The following ORC5 variants were observed in gnomAD, a reference collection of about 807,000 sequenced individuals.
The protein encoded by ORC5 is protein phosphatase 1, regulatory subunit 117.
Under a neutral mutation model 58.8 loss-of-function variants are expected in ORC5, and 39 were observed. The observed-to-expected ratio is 0.66, with a 90% CI of 0.51 to 0.87. ORC5 has a LOEUF of 0.87. Ranked by LOEUF, ORC5 falls within the 40% of genes least tolerant of loss-of-function variation. The pLI is 0.00. For synonymous variants in ORC5, 218 were observed against 177.6 expected (o/e 1.23, Z -1.81); for missense variants, 493 against 506.3 (o/e 0.97, Z 0.25).
chr7:104,161,183 C>T lies in ORC5; in HGVS notation c.1039-1G>A. ...TTGGCCCAAGGAGATGATTGCTTGTCTGTAAAAAACAAAACAAAAACATGG... is the reference window on the plus strand; with the variant it reads ...TTGGCCCAAGGAGATGATTGCTTGTTTGTAAAAAACAAAACAAAAACATGG... On this transcript the variant is annotated splice_acceptor_variant, in intron 11 of 13. Transcript: ENST00000297431. LOFTEE classifies it high-confidence loss of function. 5 of 1,532,062 alleles carry T rather than the reference C, an allele frequency of 3.3e-6. No individual in the cohort carries two copies. The highest frequency in any genetic ancestry group is 4.5e-6 in the Non-Finnish European group (5 of 1,107,870). The allele number at this position is 1,532,062 out of a possible 1,614,324, so 94.9% of individuals were successfully genotyped here.
chr7:104,172,310 G>A (rs1323513980), intron 8 of ORC5, among the ~76,000 whole-genome samples: 2 of 152,132 alleles, frequency 1.3e-5, no homozygotes, highest in East Asian at 3.8e-4. Context: ...AAGCAAACAA[G>A]TTTTCCTACA....
In ORC5 at chr7:104,136,923, T is replaced by C. The variant is rs777922724; in HGVS notation, c.1150-30A>G. 1.4e-6 allele frequency: 2 copies of C among 1,421,982 alleles called. No homozygotes were observed. The highest frequency in any genetic ancestry group is 2.0e-6 in the Non-Finnish European group (2 of 1,005,508). The allele number at this position is 1,421,982 out of a possible 1,614,324, so 88.1% of individuals were successfully genotyped here. ...AAGAGAACATTTTTATAAGAAACTGTTTTAATAAGATTATGTAATACTTTT... is the reference window on the plus strand; with the variant it reads ...AAGAGAACATTTTTATAAGAAACTGCTTTAATAAGATTATGTAATACTTTT... On this transcript the variant is annotated intron_variant, in intron 12 of 13. Transcript: ENST00000297431. The surrounding 1 kb of genome is among the most constrained non-coding windows in gnomAD (Gnocchi z 4.2).
At chr7:104,141,638 T>C (rs543371901) in intron 12 of ORC5, among the ~76,000 whole-genome samples, 3 of 152,258 alleles carry the variant, frequency 2.0e-5, no homozygotes, top group African/African-American at 4.8e-5. Flanking sequence ...TTCAGTAAAG[T>C]TGCAGAATAC....
At chr7:104,177,571 T>C (rs545857606) in intron 8 of ORC5, among the ~76,000 whole-genome samples, 1 of 152,200 alleles carries the variant, frequency 6.6e-6, no homozygotes, top group Non-Finnish European at 1.5e-5. Flanking sequence ...ATTGTTTTTT[T>C]AAATTTTACT....
At chr7:104,157,929 T>C (rs77518759) in intron 12 of ORC5, among the ~76,000 whole-genome samples, 2,902 of 152,202 alleles carry the variant, frequency 0.019, 83 homozygotes, top group African/African-American at 0.066. Flanking sequence ...CAAACCTTTC[T>C]TCAGATCATA....
chr7:104,167,161 C>T (rs1469428937), intron 9 of ORC5, among the ~76,000 whole-genome samples: 1 of 152,078 alleles, frequency 6.6e-6, no homozygotes, highest in Non-Finnish European at 1.5e-5. Flanking sequence ...TCCATTAAAC[C>T]CCTGGTGTTC....
chr7:104,193,946 T>G (rs1799735957), intron 5 of ORC5, among the ~76,000 whole-genome samples: 1 of 151,708 alleles, frequency 6.6e-6, no homozygotes, highest in Admixed American at 6.6e-5. Context: ...TTTTAAAAAT[T>G]TAATTCTGTA....
chr7:104,135,855 T>A (rs921781577), intron 13 of ORC5, among the ~76,000 whole-genome samples: 7 of 152,170 alleles, frequency 4.6e-5, no homozygotes, highest in Non-Finnish European at 7.4e-5. Context: ...AAATGGAATC[T>A]TCATATTGAA....
chr7:104,166,558 G>A (rs1799111121), intron 10 of ORC5, among the ~76,000 whole-genome samples: 1 of 152,042 alleles, frequency 6.6e-6, no homozygotes, highest in African/African-American at 2.4e-5. Context: ...ATTACCTAAG[G>A]TATACCTGAT....
intron 1 of ORC5, among the ~76,000 whole-genome samples, chr7:104,205,084 C>CTATTTTTTT (rs769195880): frequency 1.7e-4 from 17 of 102,354 alleles, no homozygotes; most frequent in African/African-American, 5.8e-4. Context: ...TTTAATAATA[C>CTATTTTTTT]TCTTTTTTTT....
At chr7:104,180,523 T>C (rs1053290124) in intron 8 of ORC5, among the ~76,000 whole-genome samples, 2 of 152,140 alleles carry the variant, frequency 1.3e-5, no homozygotes, top group Non-Finnish European at 2.9e-5. Flanking sequence ...TCAGGTGTTT[T>C]AAACCTTTTC....
intron 11 of ORC5, among the ~76,000 whole-genome samples, chr7:104,164,051 C>T (rs1176188431): frequency 2.0e-5 from 3 of 152,096 alleles, no homozygotes; most frequent in African/African-American, 7.2e-5. Flanking sequence ...ATTCAGGTTC[C>T]TTATTGTATC....
chr7:104,188,816 T>C (rs528921105), intron 5 of ORC5, among the ~76,000 whole-genome samples: 1 of 152,198 alleles, frequency 6.6e-6, no homozygotes, highest in Non-Finnish European at 1.5e-5. Context: ...GACTTCCCCC[T>C]AGCTGTTCTT....
At chr7:104,146,031 A>G (rs1473919093) in intron 12 of ORC5, among the ~76,000 whole-genome samples, 1 of 152,252 alleles carries the variant, frequency 6.6e-6, no homozygotes, top group African/African-American at 2.4e-5. Flanking sequence ...AAGAAGAGCA[A>G]AAGGAAGTTC....
chr7:104,162,199 G>A (rs1266473894), intron 11 of ORC5, among the ~76,000 whole-genome samples: 1 of 152,028 alleles, frequency 6.6e-6, no homozygotes, highest in Non-Finnish European at 1.5e-5. Context: ...TTGAGACAGA[G>A]CCTCACTCTG....
intron 8 of ORC5, among the ~76,000 whole-genome samples, chr7:104,176,503 A>C (rs955281532): frequency 1.3e-5 from 2 of 151,974 alleles, no homozygotes; most frequent in African/African-American, 4.9e-5. Context: ...TCTTATTGAC[A>C]CAAAGAGTCT....
At chr7:104,203,484 G>C (rs1799996475) in intron 2 of ORC5, among the ~76,000 whole-genome samples, 2 of 152,204 alleles carry the variant, frequency 1.3e-5, no homozygotes, top group Non-Finnish European at 2.9e-5. Context: ...ATCAATAATA[G>C]CAGCTAACCT....
At position 104,126,821 on chromosome 7, in the gene ORC5, GTGTCCATATGGCT is replaced by G. The variant is rs765882428; in HGVS notation, c.*14_*26del. 1 of 1,560,544 alleles carries G rather than the reference GTGTCCATATGGCT, an allele frequency of 6.4e-7. No individual in the cohort carries two copies. The highest frequency in any genetic ancestry group is 1.1e-5 in the South Asian group (1 of 88,206). On this transcript the variant is annotated 3_prime_UTR_variant, in exon 14 of 14. Transcript: ENST00000297431. ...ACAGCTTGGCTTAGTCATTGTCACA[GTGTCCATATGGCT>G]TTGAAGCTTGTTTTCACAAGAAATC...
intron 8 of ORC5, among the ~76,000 whole-genome samples, chr7:104,173,984 A>G (rs1335042571): frequency 4.0e-5 from 6 of 149,876 alleles, no homozygotes; most frequent in Non-Finnish European, 6.0e-5. Flanking sequence ...AGCTGGGACT[A>G]CAGGCGCCCG....
Sources: allele counts gnomAD v4.1 joint callset (sites outside exome capture counted in the v4.1 genomes callset), GRCh38; gene constraint gnomAD v4.1.1; non-coding constraint Gnocchi (gnomAD v3.1); transcripts MANE v1.5; gene names NCBI Gene and HGNC (gene_info 2026-07-23, HGNC 2026-07-21).